Variants in TBX15 observed in about 807,000 individuals in gnomAD.
TBX15 encodes the protein T-box transcription factor TBX15.
A neutral mutation model predicts 53.9 loss-of-function variants in TBX15; 18 were observed. The observed-to-expected ratio is 0.33, with a 90% CI of 0.23 to 0.49. The LOEUF (loss-of-function observed/expected upper bound fraction) is 0.49, where lower values mean the gene tolerates loss of function less well. TBX15 is among the 20% of genes least tolerant of loss of function. The pLI is 0.98. For synonymous variants in TBX15, 295 were observed against 278.0 expected (o/e 1.06, Z -0.61); for missense variants, 692 against 749.5 (o/e 0.92, Z 0.90).
intron 1 of TBX15, among the ~76,000 whole-genome samples, chr1:118,960,225 C>T (rs192556073): frequency 3.5e-4 from 54 of 152,266 alleles, no homozygotes; most frequent in African/African-American, 1.2e-3. Context: ...ATGGGCCTGA[C>T]GTGACTTTCC....
At chr1:118,887,707 G>A (rs925104970) in intron 7 of TBX15, among the ~76,000 whole-genome samples, 3 of 151,014 alleles carry the variant, frequency 2.0e-5, no homozygotes, top group Non-Finnish European at 4.4e-5. Context: ...CAGAGACACT[G>A]GAATACAAAG....
intron 2 of TBX15, among the ~76,000 whole-genome samples, chr1:118,928,579 TA>T (rs1173978171): frequency 2.0e-5 from 3 of 152,248 alleles, no homozygotes; most frequent in African/African-American, 7.2e-5. Context: ...CCTGTATATG[TA>T]AATGTTTGGA....
At chr1:118,901,424 A>G (rs1228147843) in intron 6 of TBX15, 1 of 456,508 alleles carries the variant, frequency 2.2e-6, no homozygotes, top group East Asian at 7.0e-5. Flanking sequence ...ACACTGTTTT[A>G]TTGCAGATTA....
At chr1:118,925,648 A>T (rs1243901799) in intron 3 of TBX15, among the ~76,000 whole-genome samples, 1 of 152,166 alleles carries the variant, frequency 6.6e-6, no homozygotes, top group Non-Finnish European at 1.5e-5. Context: ...CCTGAGAAAT[A>T]GAGGCACCCA....
chr1:118,918,895 C>G (rs2101577783), intron 5 of TBX15, among the ~76,000 whole-genome samples: 1 of 152,308 alleles, frequency 6.6e-6, no homozygotes, highest in South Asian at 2.1e-4. Context: ...CTTATTAACA[C>G]TCTTCGTTAT....
At chr1:118,911,780 G>T (rs1655034942) in intron 6 of TBX15, among the ~76,000 whole-genome samples, 1 of 152,162 alleles carries the variant, frequency 6.6e-6, no homozygotes, top group Admixed American at 6.5e-5. Context: ...GCACAGACAT[G>T]CCTGGCACAC....
chr1:118,973,501 A>T (rs1460846905), intron 1 of TBX15, among the ~76,000 whole-genome samples: 2 of 152,164 alleles, frequency 1.3e-5, no homozygotes, highest in Non-Finnish European at 2.9e-5. Flanking sequence ...AAACCTCTCA[A>T]AAGTCTAAAC....
intron 6 of TBX15, among the ~76,000 whole-genome samples, chr1:118,907,538 T>G (rs1203664538): frequency 6.6e-6 from 1 of 152,236 alleles, no homozygotes; most frequent in Admixed American, 6.5e-5. Context: ...GGATGAAAGA[T>G]GCAGTCTCTT....
At chr1:118,910,441 C>A (rs942780331) in intron 6 of TBX15, among the ~76,000 whole-genome samples, 4 of 151,988 alleles carry the variant, frequency 2.6e-5, no homozygotes, top group African/African-American at 9.7e-5. Flanking sequence ...TGTTTTACCA[C>A]AGAAGGGCAA....
At chr1:118,924,106 G>C (rs1395026862) in intron 4 of TBX15, among the ~76,000 whole-genome samples, 1 of 152,176 alleles carries the variant, frequency 6.6e-6, no homozygotes, top group East Asian at 1.9e-4. Flanking sequence ...AATGGTTTTA[G>C]CTTATTCAAT....
chr1:118,889,204 T>C (rs1430306412), intron 7 of TBX15, among the ~76,000 whole-genome samples: 2 of 152,204 alleles, frequency 1.3e-5, no homozygotes, highest in African/African-American at 2.4e-5. Context: ...ATAACAGCAA[T>C]TTTTCAAAGT....
At chr1:118,949,864 C>G (rs1375487725) in intron 1 of TBX15, among the ~76,000 whole-genome samples, 1 of 152,116 alleles carries the variant, frequency 6.6e-6, no homozygotes, top group Admixed American at 6.5e-5. Context: ...GTCTCTGGAT[C>G]TCTCAGTGAG....
chr1:118,927,323 TA>T (rs1269456093), intron 2 of TBX15, among the ~76,000 whole-genome samples: 1 of 152,224 alleles, frequency 6.6e-6, no homozygotes, highest in African/African-American at 2.4e-5. Context: ...ATAATCTTTT[TA>T]AAGGTTAGTA....
chr1:118,923,298 C>G (rs1655482718), intron 5 of TBX15, 138 bp downstream of exon 5: 1 of 1,096,716 alleles, frequency 9.1e-7, no homozygotes, highest in African/African-American at 1.6e-5. Context: ...AACTCTAACA[C>G]TGTATAGTAC....
In TBX15 at chr1:118,987,748, A is replaced by G; in HGVS notation, c.48T>C (p.His16=). 1 of 1,550,322 alleles carries G rather than the reference A, an allele frequency of 6.5e-7. No homozygotes were observed. The highest frequency in any genetic ancestry group is 8.7e-7 in the Non-Finnish European group (1 of 1,146,834). Residue 16 remains histidine, a synonymous_variant, in exon 1 of 8, where the codon CAT becomes CAC. Transcript: ENST00000369429. ...RSAVALSSRA[H]AFSVEALIGS... The stretch of plus-strand genomic sequence containing the variant: ...CGATCAAGGCTTCAACGGAGAAGGC[A>G]TGTGCTCGCGAGCTCAGGGCGACTG...
intron 1 of TBX15, among the ~76,000 whole-genome samples, chr1:118,944,619 G>A (rs1357999025): frequency 6.6e-6 from 1 of 152,272 alleles, no homozygotes; most frequent in South Asian, 2.1e-4. Flanking sequence ...GTGTCGCCGA[G>A]ACAGCAGGAT....
intron 1 of TBX15, among the ~76,000 whole-genome samples, chr1:118,978,266 G>C (rs1285741457): frequency 2.0e-5 from 3 of 152,162 alleles, no homozygotes; most frequent in Admixed American, 2.0e-4. Flanking sequence ...TTTTGGTCTT[G>C]TGTTGCTATT....
chr1:118,954,518 G>T (rs1656615596), intron 1 of TBX15, among the ~76,000 whole-genome samples: 2 of 152,110 alleles, frequency 1.3e-5, no homozygotes, highest in South Asian at 4.2e-4. Flanking sequence ...ACAGAAGGAG[G>T]CAAACTCATC....
chr1:118,971,071 G>A (rs1300289097), intron 1 of TBX15, among the ~76,000 whole-genome samples: 2 of 152,072 alleles, frequency 1.3e-5, no homozygotes, highest in African/African-American at 4.8e-5. Flanking sequence ...CCCTTGCTGG[G>A]CAGAAAACAG....
Sources: gnomAD v4.1 joint callset for allele counts (sites outside exome capture counted in the v4.1 genomes callset) on GRCh38, gnomAD v4.1.1 for gene constraint, MANE v1.5 for transcripts, NCBI Gene and HGNC (gene_info 2026-07-23, HGNC 2026-07-21) for gene names.